Variants in ERC1 observed in about 807,000 individuals in gnomAD.
ERC1 encodes ELKS/RAB6-interacting/CAST family member 1, also known as RAB6 interacting protein 2.
A neutral mutation model predicts 132.0 loss-of-function variants in ERC1; 56 were observed. The observed-to-expected ratio is 0.42, with a 90% confidence interval of 0.34 to 0.53. The LOEUF (loss-of-function observed/expected upper bound fraction) is 0.53, where lower values mean the gene tolerates loss of function less well. Among genes scored for constraint, ERC1 ranks in the 20% least tolerant of loss-of-function variants. The pLI is 0.03. For synonymous variants in ERC1, 478 were observed against 476.1 expected (o/e 1.00, Z -0.05); for missense variants, 1,202 against 1,349.9 (o/e 0.89, Z 1.72).
chr12:1,035,858 C>T (rs764881736), intron 2 of ERC1, among the ~76,000 whole-genome samples: 6 of 151,664 alleles, frequency 4.0e-5, no homozygotes, highest in Non-Finnish European at 7.4e-5. Context: ...AGAGGCGGAG[C>T]TTGCAGTGAG....
At chr12:1,471,468 TATA>T (rs2093860202) in intron 18 of ERC1, among the ~76,000 whole-genome samples, 1 of 152,236 alleles carries the variant, frequency 6.6e-6, no homozygotes, top group South Asian at 2.1e-4. Context: ...GAATACAAAA[TATA>T]ATCATCAGAA....
intron 14 of ERC1, among the ~76,000 whole-genome samples, 166 bp from the exon 15 acceptor site, chr12:1,289,686 A>G (rs1404059986): frequency 6.6e-6 from 1 of 152,106 alleles, no homozygotes; most frequent in African/African-American, 2.4e-5. Context: ...TGCTATATTG[A>G]TTCTTGATAT....
chr12:1,306,143 G>T (rs1366627086), intron 15 of ERC1, among the ~76,000 whole-genome samples: 2 of 152,128 alleles, frequency 1.3e-5, no homozygotes, highest in East Asian at 1.9e-4. Context: ...ATGACATCCA[G>T]CTCCTGTTGC....
chr12:1,002,458 A>G (rs905642156), intron 1 of ERC1, among the ~76,000 whole-genome samples: 1 of 151,574 alleles, frequency 6.6e-6, no homozygotes, highest in Admixed American at 6.6e-5. Flanking sequence ...AAGTGCTGGG[A>G]CTACAGGTGT....
rs992828884 is a variant in ERC1, at chr12:1,285,290, A to G, written c.2620-4562A>G. ...ATAATTATTGAACATTGGGTTTTAT[A>G]TCTTCATAGGATAAAAGAAAAGATC... is the stretch of plus-strand genomic sequence containing the variant. On this transcript the variant is annotated intron_variant, in intron 14 of 18. Transcript: ENST00000360905. Among the ~76,000 whole-genome samples, 5 of 152,178 alleles carry G rather than the reference A, an allele frequency of 3.3e-5. No individual in the cohort carries two copies. In the East Asian group the frequency reaches 5.8e-4, roughly 18 times the overall value.
At chr12:1,185,411 AT>A (rs886353841) in intron 11 of ERC1, among the ~76,000 whole-genome samples, 25 of 148,852 alleles carry the variant, frequency 1.7e-4, no homozygotes, top group Admixed American at 4.7e-4. Context: ...CTATACTCTG[AT>A]TTTTTTATTG....
At chr12:1,261,558 C>T (rs564706381) in intron 13 of ERC1, among the ~76,000 whole-genome samples, 36 of 152,124 alleles carry the variant, frequency 2.4e-4, no homozygotes, top group Non-Finnish European at 4.6e-4. Flanking sequence ...TGACGGGCAT[C>T]GTTCCTTGTC....
chr12:1,313,094 A>G (rs368372533), intron 15 of ERC1, among the ~76,000 whole-genome samples: 19 of 152,126 alleles, frequency 1.2e-4, no homozygotes, highest in African/African-American at 3.1e-4. Context: ...CATGATACCA[A>G]TGGTTCTGGG....
chr12:1,180,465 T>G, intron 8 of ERC1, 75 bp from the exon 9 acceptor site: 2 of 1,388,384 alleles, frequency 1.4e-6, no homozygotes, highest in South Asian at 1.2e-5. Context: ...GTTTTCAAAT[T>G]GAAATGATTT....
chr12:1,213,975 G>A (rs558187355), intron 12 of ERC1, among the ~76,000 whole-genome samples: 217 of 152,128 alleles, frequency 1.4e-3, no homozygotes, highest in African/African-American at 5.0e-3. Flanking sequence ...AGAATGCCAG[G>A]GTACTTACAT....
At chr12:1,376,799 G>T (rs1255239784) in intron 16 of ERC1, among the ~76,000 whole-genome samples, 1 of 152,152 alleles carries the variant, frequency 6.6e-6, no homozygotes, top group East Asian at 1.9e-4. Context: ...ACACAGAAAA[G>T]GGGATCTATT....
chr12:1,113,231 C>T (rs1349835909), intron 6 of ERC1, among the ~76,000 whole-genome samples: 2 of 152,192 alleles, frequency 1.3e-5, no homozygotes, highest in African/African-American at 4.8e-5. Context: ...GAACCAGTCC[C>T]CCATGGACCC....
intron 18 of ERC1, among the ~76,000 whole-genome samples, chr12:1,452,602 T>C (rs1328366821): frequency 6.6e-6 from 1 of 152,216 alleles, no homozygotes; most frequent in African/African-American, 2.4e-5. Flanking sequence ...GTCCCATATC[T>C]CTTGGATTTC....
chr12:1,243,889 A>G (rs1050023378), intron 13 of ERC1, among the ~76,000 whole-genome samples: 6 of 152,336 alleles, frequency 3.9e-5, no homozygotes, highest in Admixed American at 2.6e-4. Context: ...AGTTTTCATG[A>G]ATAGCTTTGG....
chr12:1,214,701 C>CAT (rs1397988554), intron 12 of ERC1, among the ~76,000 whole-genome samples: 2 of 150,744 alleles, frequency 1.3e-5, no homozygotes, highest in East Asian at 2.0e-4. Flanking sequence ...CACACACACA[C>CAT]ATATGTTTGG....
At chr12:1,289,548 A>G (rs770462819) in intron 14 of ERC1, among the ~76,000 whole-genome samples, 2 of 152,166 alleles carry the variant, frequency 1.3e-5, no homozygotes, top group Non-Finnish European at 2.9e-5. Flanking sequence ...ATTTCCAAAG[A>G]ACTTCCTTAA....
At chr12:1,154,204 T>G (rs1048608958) in intron 8 of ERC1, among the ~76,000 whole-genome samples, 1 of 148,252 alleles carries the variant, frequency 6.7e-6, no homozygotes, top group Non-Finnish European at 1.5e-5. Flanking sequence ...TATTCCATGG[T>G]GTGTGTGTGT....
chr12:1,030,066 CTT>C (rs940822255), intron 2 of ERC1, among the ~76,000 whole-genome samples: 3 of 152,046 alleles, frequency 2.0e-5, no homozygotes, highest in African/African-American at 7.2e-5. Flanking sequence ...GTTTAAAAGA[CTT>C]TTAGAATTTT....
At chr12:1,171,954 T>C (rs999755526) in intron 8 of ERC1, among the ~76,000 whole-genome samples, 1 of 152,234 alleles carries the variant, frequency 6.6e-6, no homozygotes, top group African/African-American at 2.4e-5. Context: ...GCAGATTTGA[T>C]GAATTCACTC....
Sources: gnomAD v4.1 joint callset for allele counts (sites outside exome capture counted in the v4.1 genomes callset) on GRCh38, gnomAD v4.1.1 for gene constraint, MANE v1.5 for transcripts, NCBI Gene and HGNC (gene_info 2026-07-23, HGNC 2026-07-21) for gene names.